SGIP1: variants seen among roughly 807,000 people sequenced by gnomAD.
SGIP1 encodes SH3-containing GRB2-like protein 3-interacting protein 1.
A neutral mutation model predicts 107.5 loss-of-function variants in SGIP1; 38 were observed. That is an observed-to-expected ratio of 0.35 (90% CI 0.27 to 0.46). The LOEUF (loss-of-function observed/expected upper bound fraction) is 0.46. Among genes scored for constraint, SGIP1 ranks in the 20% least tolerant of loss-of-function variants. SGIP1 has a pLI of 1.00. For synonymous variants in SGIP1, 365 were observed against 366.1 expected, an observed-to-expected ratio of 1.00 and a Z score of 0.03; for missense variants, 929 against 1,019.5, an observed-to-expected ratio of 0.91 and a Z score of 1.21.
chr1:66,667,520 CT>C lies in SGIP1; in HGVS notation c.472-9del. Reference sequence around the variant, plus strand: ...GGTGTCTGTTCTCTCTTCCTTTTTGCTGATCACAGAGGCGCAGCCCGGTAAG... The same window carrying C: ...GGTGTCTGTTCTCTCTTCCTTTTTGCGATCACAGAGGCGCAGCCCGGTAAG... On this transcript the variant is annotated splice_polypyrimidine_tract_variant and intron_variant, in intron 8 of 24. Transcript: ENST00000371037. 1 of 1,613,068 alleles carries C rather than the reference CT, an allele frequency of 6.2e-7. No individual in the cohort carries two copies. The highest frequency in any genetic ancestry group is 1.7e-5 in the Admixed American group (1 of 60,018).
intron 1 of SGIP1, among the ~76,000 whole-genome samples, chr1:66,602,759 TC>T (rs1189177961): frequency 6.6e-6 from 1 of 152,180 alleles, no homozygotes; most frequent in Non-Finnish European, 1.5e-5. Context: ...CTCTCCTGGC[TC>T]ACCTCGAAAA....
In SGIP1 at chr1:66,740,731, A is replaced by G; in HGVS notation, c.2299+9A>G. ...GAAGTCAGAAAATGGAGGTAATGGA[A>G]TCACAAGTTTATTTTATTTAACATG... On this transcript the variant is annotated intron_variant, in intron 23 of 24. Transcript: ENST00000371037. 6.3e-7 allele frequency: 1 copy of G among 1,584,262 alleles called. No homozygotes were observed. Among genetic ancestry groups the G allele is most frequent in the Non-Finnish European group, 8.7e-7 (1 of 1,156,002 alleles).
At chr1:66,689,334 CA>C (rs1398971735) in intron 16 of SGIP1, 59 bp downstream of exon 16, 9 of 1,576,918 alleles carry the variant, frequency 5.7e-6, no homozygotes, top group Non-Finnish European at 6.9e-6. Flanking sequence ...ACAGAAGCTC[CA>C]AATGCCTTCA....
intron 3 of SGIP1, chr1:66,634,057 A>G: frequency 6.3e-7 from 1 of 1,577,034 alleles, no homozygotes; most frequent in Non-Finnish European, 8.7e-7. Context: ...ATTGGGTAAC[A>G]CTATAATCAA....
At position 66,739,347 on chromosome 1, in the gene SGIP1, G is replaced by A; in HGVS notation, c.2044G>A (p.Gly682Ser). The change falls in exon 22 of 25, where the codon GGC (glycine) becomes AGC (serine). Residue 682 changes from glycine to serine, a missense_variant. Gly to Ser is a moderately conservative substitution (Grantham distance 56, BLOSUM62 0). Transcript: ENST00000371037. Reference sequence around the variant, plus strand: ...GTCGTTCGGCAAGGTGTCTGCCCAGGGCATTCAGTCCACACCTCTGAACCT... The same window carrying A: ...GTCGTTCGGCAAGGTGTCTGCCCAGAGCATTCAGTCCACACCTCTGAACCT... Reference protein sequence around the residue: ...DMLKYQVSAQGIQSTPLNLAV... With the variant: ...DMLKYQVSAQSIQSTPLNLAV... 2 of 1,607,494 alleles carry A rather than the reference G, an allele frequency of 1.2e-6. No homozygotes were observed. Among genetic ancestry groups the A allele is most frequent in the Non-Finnish European group, 1.7e-6 (2 of 1,179,894 alleles).
At chr1:66,574,563 T>C (rs1189829942) in intron 1 of SGIP1, among the ~76,000 whole-genome samples, 2 of 152,192 alleles carry the variant, frequency 1.3e-5, no homozygotes, top group African/African-American at 2.4e-5. Context: ...GAAAGGAGAA[T>C]ATGCTTTATA....
chr1:66,676,842 G>C (rs2085486942), intron 12 of SGIP1, 162 bp from the exon 13 acceptor site: 1 of 608,368 alleles, frequency 1.6e-6, no homozygotes, highest in African/African-American at 1.9e-5. Flanking sequence ...TCTATTCTCT[G>C]CTTGAAAAGA....
intron 1 of SGIP1, among the ~76,000 whole-genome samples, chr1:66,588,638 CTTTT>C (rs35096597): frequency 0.015 from 1,466 of 98,686 alleles, 15 homozygotes; most frequent in African/African-American, 0.051. Context: ...CTAGTTAGTT[CTTTT>C]TTTTTTTTTT....
At chr1:66,552,170 G>T (rs1030245919) in intron 1 of SGIP1, among the ~76,000 whole-genome samples, 1 of 152,176 alleles carries the variant, frequency 6.6e-6, no homozygotes, top group Non-Finnish European at 1.5e-5. Context: ...AGAAAGCTGA[G>T]TTGGAGAGGT....
chr1:66,553,630 C>A (rs916802789), intron 1 of SGIP1, among the ~76,000 whole-genome samples: 1 of 146,634 alleles, frequency 6.8e-6, no homozygotes, highest in Admixed American at 6.8e-5. Context: ...GAGCCAAGAT[C>A]ATATCACTGC....
At chr1:66,629,230 C>T (rs1026240409) in intron 2 of SGIP1, among the ~76,000 whole-genome samples, 1 of 152,140 alleles carries the variant, frequency 6.6e-6, no homozygotes, top group African/African-American at 2.4e-5. Flanking sequence ...GATTGAACCT[C>T]CTAAGATATA....
intron 1 of SGIP1, among the ~76,000 whole-genome samples, chr1:66,553,891 T>G (rs2057797226): frequency 6.6e-6 from 1 of 152,084 alleles, no homozygotes; most frequent in South Asian, 2.1e-4. Context: ...CCTCTGACAT[T>G]CTGGCACTCT....
At chr1:66,580,592 G>C (rs946506936) in intron 1 of SGIP1, among the ~76,000 whole-genome samples, 1 of 152,004 alleles carries the variant, frequency 6.6e-6, no homozygotes, top group African/African-American at 2.4e-5. Context: ...TTGTTACTAT[G>C]TCTTTAACAC....
intron 7 of SGIP1, among the ~76,000 whole-genome samples, chr1:66,651,670 C>A (rs2078781148): frequency 6.6e-6 from 1 of 152,186 alleles, no homozygotes; most frequent in Non-Finnish European, 1.5e-5. Flanking sequence ...CCATAGAAGA[C>A]CATCCAGTCT....
intron 1 of SGIP1, among the ~76,000 whole-genome samples, chr1:66,577,821 G>A (rs2061290729): frequency 6.7e-6 from 1 of 150,164 alleles, no homozygotes; most frequent in Admixed American, 6.6e-5. Context: ...AAAAAGAAGA[G>A]GAGGAGGAAT....
chr1:66,625,031 G>A (rs2072271383), intron 1 of SGIP1, among the ~76,000 whole-genome samples: 1 of 152,132 alleles, frequency 6.6e-6, no homozygotes, highest in African/African-American at 2.4e-5. Context: ...AGGGAGCCTT[G>A]GCCTTTGTTC....
rs199887082 is a variant in SGIP1 at position 66,682,325 on chromosome 1, C to T, written c.1271C>T (p.Ser424Leu). The T allele has an allele frequency of 4.9e-5, 79 of 1,614,022 alleles. 1 individual carries two copies. The highest frequency in any genetic ancestry group is 1.1e-4 in the South Asian group (10 of 91,076). The change falls in exon 15 of 25, where the codon TCG (serine) becomes TTG (leucine). Residue 424 changes from serine to leucine, a missense_variant. Physicochemically the swap from Ser to Leu is moderately radical, Grantham distance 145. Around this residue, in one of 2 missense-constraint regions of SGIP1, gnomAD observed 588 missense variants for 588.6 expected, o/e 1.00. Transcript: ENST00000371037. ...CCACCCACCTACAGGACTGTGGTTT[C>T]GTCCCCCGGACCTGGCTCGGGCCCT... The part of the protein sequence containing the change: ...PPPPTYRTVV[S>L]SPGPGSGPGP...
intron 18 of SGIP1, among the ~76,000 whole-genome samples, chr1:66,695,808 G>T (rs1240180290): frequency 6.6e-6 from 1 of 152,166 alleles, no homozygotes; most frequent in Non-Finnish European, 1.5e-5. Context: ...ACTTAACTCT[G>T]TCAACCAGGG....
intron 1 of SGIP1, among the ~76,000 whole-genome samples, chr1:66,557,315 C>G (rs183181935): frequency 5.9e-5 from 9 of 152,226 alleles, no homozygotes; most frequent in Admixed American, 3.3e-4. Context: ...TCAGAGCAGA[C>G]ATTGCTAATA....
Sources: allele counts gnomAD v4.1 joint callset (sites outside exome capture counted in the v4.1 genomes callset), GRCh38; gene constraint gnomAD v4.1.1; regional missense constraint gnomAD v4.1.1; transcripts MANE v1.5; gene names NCBI Gene and HGNC (gene_info 2026-07-23, HGNC 2026-07-21).